Variants in DSE observed in about 807,000 individuals in gnomAD.
DSE encodes dermatan sulfate epimerase, also known as dermatan-sulfate epimerase.
A neutral mutation model predicts 84.4 loss-of-function variants in DSE; 36 were observed. That is an observed-to-expected ratio of 0.43 (90% CI 0.33 to 0.56). DSE has a LOEUF of 0.56. Ranked by LOEUF, DSE falls within the 20% of genes least tolerant of loss-of-function variation. DSE has a pLI of 0.06. For missense variants in DSE, 862 were observed against 1,169.6 expected (o/e 0.74, Z 3.84); for synonymous variants, 410 against 430.1 (o/e 0.95, Z 0.58).
At chr6:116,282,803 G>C (rs1773623560) in intron 2 of DSE, among the ~76,000 whole-genome samples, 1 of 152,050 alleles carries the variant, frequency 6.6e-6, no homozygotes. Flanking sequence ...GGATTTTAGA[G>C]GGAAAAGCAA....
chr6:116,265,849 AGTT>A (rs1772599501), intron 2 of DSE, among the ~76,000 whole-genome samples: 1 of 152,144 alleles, frequency 6.6e-6, no homozygotes, highest in African/African-American at 2.4e-5. Context: ...AGCCTTCCCT[AGTT>A]GTGCTCTGCT....
At chr6:116,414,006 A>C (rs556788042) in intron 2 of DSE, among the ~76,000 whole-genome samples, 18 of 152,208 alleles carry the variant, frequency 1.2e-4, no homozygotes, top group Non-Finnish European at 2.2e-4. Flanking sequence ...AATGGGAGTA[A>C]CTGAGTGTTC....
intron 2 of DSE, among the ~76,000 whole-genome samples, chr6:116,412,267 T>G (rs1782422105): frequency 1.3e-5 from 2 of 152,086 alleles, no homozygotes; most frequent in Non-Finnish European, 2.9e-5. Flanking sequence ...CTTGTTTTTT[T>G]TTTTCCACAC....
At chr6:116,263,672 T>G (rs1183674731) in intron 2 of DSE, among the ~76,000 whole-genome samples, 2 of 152,216 alleles carry the variant, frequency 1.3e-5, no homozygotes, top group Non-Finnish European at 2.9e-5. Context: ...TTTTGCAGAC[T>G]TGTTTATGTG....
chr6:116,339,132 C>T (rs1286297519), intron 2 of DSE, among the ~76,000 whole-genome samples: 1 of 152,168 alleles, frequency 6.6e-6, no homozygotes. Context: ...CCACCCCAGT[C>T]CTGTCCGTCT....
rs144373934 is a variant in DSE at position 116,317,727 on chromosome 6, G to A, written c.-54+58760G>A. Among the ~76,000 whole-genome samples the A allele has an allele frequency of 4.9e-3, 747 of 152,288 alleles. 8 individuals are homozygous for A. Among genetic ancestry groups the A allele is most frequent in the African/African-American group, 0.017 (711 of 41,558 alleles). ...AGACCATGAAAGGAATTGTATTGCCGTATCTAAACAAAGTGTGCAATTGTT... is the reference window on the plus strand; with the variant it reads ...AGACCATGAAAGGAATTGTATTGCCATATCTAAACAAAGTGTGCAATTGTT... On this transcript the variant is annotated intron_variant, in intron 2 of 3. Coordinates refer to the DSE transcript ENST00000430252.
chr6:116,279,507 C>A, intron 2 of DSE: 1 of 1,610,118 alleles, frequency 6.2e-7, no homozygotes, highest in South Asian at 1.1e-5. Context: ...AAGCGGCTGC[C>A]AGGCCTTCGG....
chr6:116,393,934 A>G (rs1357810152), intron 1 of DSE, among the ~76,000 whole-genome samples: 1 of 152,134 alleles, frequency 6.6e-6, no homozygotes, highest in African/African-American at 2.4e-5. Flanking sequence ...TTGAAACTTG[A>G]TGTACTAGTT....
intron 2 of DSE, among the ~76,000 whole-genome samples, chr6:116,309,175 G>C (rs949834031): frequency 6.6e-6 from 1 of 152,150 alleles, no homozygotes; most frequent in African/African-American, 2.4e-5. Context: ...TGTTGTGCTA[G>C]ATGACACATA....
At chr6:116,390,339 A>G (rs1284863193) in intron 1 of DSE, among the ~76,000 whole-genome samples, 3 of 152,166 alleles carry the variant, frequency 2.0e-5, no homozygotes, top group South Asian at 2.1e-4. Flanking sequence ...AACTGCTGGG[A>G]TAACAGGCAT....
chr6:116,314,489 A>G (rs749126665), intron 2 of DSE, among the ~76,000 whole-genome samples: 2 of 152,186 alleles, frequency 1.3e-5, no homozygotes, highest in African/African-American at 4.8e-5. Flanking sequence ...TTTGGCTCAG[A>G]TAAGTTATTC....
chr6:116,282,976 A>G (rs1773636162), intron 2 of DSE, among the ~76,000 whole-genome samples: 1 of 152,216 alleles, frequency 6.6e-6, no homozygotes, highest in Non-Finnish European at 1.5e-5. Flanking sequence ...TATTGTACTT[A>G]TTATAGTAGG....
intron 2 of DSE, among the ~76,000 whole-genome samples, chr6:116,358,744 T>A (rs1217926542): frequency 1.3e-5 from 2 of 152,248 alleles, no homozygotes; most frequent in African/African-American, 4.8e-5. Flanking sequence ...CCTGCCAATA[T>A]GAGCATGCCT....
intron 1 of DSE, among the ~76,000 whole-genome samples, chr6:116,391,343 A>G (rs1337834676): frequency 1.3e-5 from 2 of 152,158 alleles, no homozygotes; most frequent in Non-Finnish European, 2.9e-5. Context: ...GTGTGGCCTC[A>G]GGTTTCTAAT....
At chr6:116,301,756 G>A (rs1387356296) in intron 2 of DSE, among the ~76,000 whole-genome samples, 1 of 152,108 alleles carries the variant, frequency 6.6e-6, no homozygotes, top group Non-Finnish European at 1.5e-5. Flanking sequence ...ATCTGCTTTA[G>A]GTATTTCTCC....
chr6:116,323,619 A>T (rs977305419), intron 2 of DSE, among the ~76,000 whole-genome samples: 4 of 152,210 alleles, frequency 2.6e-5, no homozygotes, highest in African/African-American at 9.7e-5. Context: ...GGGTAATGGA[A>T]TTTCATGTCA....
In DSE at chr6:116,370,994, G is replaced by A; in HGVS notation, c.-181G>A. 1.0e-6 allele frequency: 1 copy of A among 985,650 alleles called. No individual in the cohort carries two copies. The highest frequency in any genetic ancestry group is 1.2e-6 in the Non-Finnish European group (1 of 830,166). 61.1% of individuals were successfully genotyped at this position (985,650 alleles called of 1,614,324 possible). ...GCAGCGCATCCCGGGGCATGGCGCG[G>A]CGGGGGCGCGGAGGGCTCGGTTCGG... On this transcript the variant is annotated 5_prime_UTR_variant, in exon 1 of 6. Coordinates refer to ENST00000644252, the MANE Select transcript of DSE (RefSeq NM_013352.4).
chr6:116,421,464 T>TATATATATATATATATATATATATA (rs57759351), intron 2 of DSE, among the ~76,000 whole-genome samples: 3 of 39,850 alleles, frequency 7.5e-5, no homozygotes, highest in African/African-American at 4.1e-4. Flanking sequence ...TATATATATA[T>TATATATATATATATATATATATATA]TTTTTTTTTT....
chr6:116,398,328 G>A (rs1317322734), intron 1 of DSE, among the ~76,000 whole-genome samples: 2 of 152,064 alleles, frequency 1.3e-5, no homozygotes, highest in Non-Finnish European at 1.5e-5. Context: ...TGAAAAAAGG[G>A]GCTTTGAAGA....
Sources: gnomAD v4.1 joint callset for allele counts (sites outside exome capture counted in the v4.1 genomes callset) on GRCh38, gnomAD v4.1.1 for gene constraint, MANE v1.5 for transcripts, NCBI Gene and HGNC (gene_info 2026-07-23, HGNC 2026-07-21) for gene names.